Variants in CASK observed in about 807,000 individuals in gnomAD.
CASK encodes the protein calcium/calmodulin dependent serine protein kinase.
CASK carries 4 observed loss-of-function variants against 82.9 expected under a neutral mutation model. The ratio of observed to expected loss-of-function variants is 0.05; its 90% CI spans 0.02 to 0.11. The LOEUF (loss-of-function observed/expected upper bound fraction) is 0.11. CASK is among the 10% of genes least tolerant of loss of function. The probability of loss-of-function intolerance (pLI) is 1.00; values close to 1 mark genes in which losing one functional copy is unlikely to be tolerated. For missense variants in CASK, 358 were observed against 720.9 expected (o/e 0.50, Z 5.76); for synonymous variants, 259 against 253.5 (o/e 1.02, Z -0.20).
At chrX:41,834,484 T>C (rs960235621) in intron 2 of CASK, among the ~76,000 whole-genome samples, 2 of 112,021 alleles carry the variant, frequency 1.8e-5, no homozygotes, top group South Asian at 7.5e-4. Flanking sequence ...AATTAGGAGC[T>C]CTTGTACCCA....
At chrX:41,766,507 A>T (rs1275330769) in intron 3 of CASK, among the ~76,000 whole-genome samples, 4 of 112,176 alleles carry the variant, frequency 3.6e-5, no homozygotes, top group African/African-American at 1.3e-4. Context: ...CACATTGGCC[A>T]ATCTTGTTTC....
At chrX:41,740,895 T>G (rs891779913) in intron 4 of CASK, among the ~76,000 whole-genome samples, 1 of 112,238 alleles carries the variant, frequency 8.9e-6, no homozygotes, top group African/African-American at 3.2e-5. Context: ...TTATTTTTAT[T>G]TTTTGAGATG....
chrX:41,734,484 T>G (rs1415166035), intron 5 of CASK, among the ~76,000 whole-genome samples: 1 of 111,086 alleles, frequency 9.0e-6, no homozygotes, highest in Non-Finnish European at 1.9e-5. Context: ...GAAAAAAAAA[T>G]ACCAGAAACA....
chrX:41,529,421 G>A (rs1453236605), intron 25 of CASK: 4 of 175,405 alleles, frequency 2.3e-5, no homozygotes, highest in Admixed American at 6.7e-5. Context: ...CGGTGGCGGC[G>A]GCAGCAGCGG....
At chrX:41,817,709 T>C (rs2070440989) in intron 2 of CASK, among the ~76,000 whole-genome samples, 1 of 111,052 alleles carries the variant, frequency 9.0e-6, no homozygotes, top group African/African-American at 3.3e-5. Context: ...ACAAGACTGA[T>C]ATACAATTGT....
At chrX:41,807,630 T>C (rs776055555) in intron 2 of CASK, among the ~76,000 whole-genome samples, 1 of 110,976 alleles carries the variant, frequency 9.0e-6, no homozygotes, top group African/African-American at 3.3e-5. Flanking sequence ...TCTGGCTCAC[T>C]GTTGTGGAGG....
At chrX:41,916,205 C>A (rs760798710) in intron 1 of CASK, among the ~76,000 whole-genome samples, 3 of 112,474 alleles carry the variant, frequency 2.7e-5, no homozygotes, top group African/African-American at 9.7e-5. Context: ...TTACTACGTG[C>A]ATCATTACTT....
intron 1 of CASK, among the ~76,000 whole-genome samples, chrX:41,898,893 G>A (rs1158757629): frequency 3.6e-5 from 4 of 111,729 alleles, no homozygotes; most frequent in East Asian, 2.8e-4. Flanking sequence ...AAAGAACATC[G>A]TATTCTGCTA....
chrX:41,527,091 A>G (rs1304542362), intron 25 of CASK, among the ~76,000 whole-genome samples: 1 of 110,664 alleles, frequency 9.0e-6, no homozygotes, highest in Non-Finnish European at 1.9e-5. Flanking sequence ...TGAACTCTAA[A>G]CCCTCTTCCT....
chrX:41,880,496 C>T (rs115543796), intron 1 of CASK, among the ~76,000 whole-genome samples: 62 of 111,506 alleles, frequency 5.6e-4, no homozygotes, highest in African/African-American at 1.9e-3. Flanking sequence ...GCCCATGTTG[C>T]TTTCACTGTT....
At chrX:41,717,591 C>T (rs187569338) in intron 5 of CASK, among the ~76,000 whole-genome samples, 18 of 112,284 alleles carry the variant, frequency 1.6e-4, no homozygotes, top group Non-Finnish European at 3.4e-4. Context: ...ATATCTGTCT[C>T]CTAGCTTAAT....
rs746078422 is a variant in CASK at position 41,582,659 on chromosome X, G to A, written c.1315-4131C>T. On this transcript the variant is annotated intron_variant, in intron 14 of 26. Transcript: ENST00000378163. ...TAAATAAATTGGTCTGGCCTCTGCT[G>A]ACCTCTCTTGGTACAGGAAGTACCA... is the stretch of plus-strand genomic sequence containing the variant. Among the ~76,000 whole-genome samples the A allele has an allele frequency of 1.4e-3, 154 of 111,371 alleles. 2 individuals carry two copies. The highest frequency in any genetic ancestry group is 4.9e-3 in the African/African-American group (150 of 30,686).
chrX:41,628,448 C>T (rs1052339588), intron 9 of CASK, among the ~76,000 whole-genome samples: 1 of 110,957 alleles, frequency 9.0e-6, no homozygotes, highest in Non-Finnish European at 1.9e-5. Flanking sequence ...GGACTACAGG[C>T]GTGTGCCACC....
rs751506941 is a variant in CASK, at chrX:41,615,308, C to T, written c.1034-5283G>A. On this transcript the variant is annotated intron_variant, in intron 11 of 26. Coordinates refer to ENST00000378163, the MANE Select transcript of CASK (RefSeq NM_001367721.1). The stretch of plus-strand genomic sequence containing the variant: ...ATTTACTTTGTTCAGAGTGCCCCCC[C>T]CTCCATCAAAAAATCTGGAAATTAG... 2.3e-4 allele frequency among the ~76,000 whole-genome samples: 26 copies of T among 111,181 alleles called. 1 individual carries two copies. Among genetic ancestry groups the T allele is most frequent in the South Asian group, 1.2e-3 (3 of 2,590 alleles).
chrX:41,643,515 AT>A (rs2066698382), intron 8 of CASK, among the ~76,000 whole-genome samples: 1 of 111,122 alleles, frequency 9.0e-6, no homozygotes, highest in Non-Finnish European at 1.9e-5. Context: ...ATTCCTAGGT[AT>A]TTTATTCTCT....
chrX:41,592,732 C>G (rs1372325428), intron 12 of CASK, among the ~76,000 whole-genome samples: 1 of 111,515 alleles, frequency 9.0e-6, no homozygotes, highest in Non-Finnish European at 1.9e-5. Context: ...CTACTAATAG[C>G]AACAATATTA....
chrX:41,612,591 C>A (rs2066095901), intron 11 of CASK, among the ~76,000 whole-genome samples: 1 of 103,592 alleles, frequency 9.7e-6, no homozygotes, highest in African/African-American at 3.5e-5. Flanking sequence ...CTCTGCCCAG[C>A]CGCCCCTACT....
intron 4 of CASK, 129 bp downstream of exon 4, chrX:41,745,395 C>G (rs1324393556): frequency 1.9e-6 from 1 of 534,911 alleles, no homozygotes; most frequent in Non-Finnish European, 3.3e-6. Context: ...CTAACACATA[C>G]TAAAACAGAG....
chrX:41,900,709 T>C (rs2148065026), intron 1 of CASK, among the ~76,000 whole-genome samples: 1 of 107,153 alleles, frequency 9.3e-6, no homozygotes, highest in Admixed American at 1.0e-4. Flanking sequence ...CTGAACTTCT[T>C]TTAAGATGAT....
Sources: allele counts gnomAD v4.1 joint callset (sites outside exome capture counted in the v4.1 genomes callset), GRCh38; gene constraint gnomAD v4.1.1; transcripts MANE v1.5; gene names NCBI Gene and HGNC (gene_info 2026-07-23, HGNC 2026-07-21).